Variants in AGBL1 observed in about 807,000 individuals in gnomAD.
AGBL1 encodes cytosolic carboxypeptidase 4.
AGBL1 carries 130 observed loss-of-function variants against 118.9 expected under a neutral mutation model. The observed-to-expected ratio is 1.09, with a 90% CI of 0.95 to 1.26. The LOEUF is 1.26. Among genes scored for constraint, AGBL1 ranks in the 50% most tolerant of loss-of-function variants. The pLI is 0.00. For missense variants in AGBL1, 1,584 were observed against 1,298.1 expected (o/e 1.22, Z -3.38); for synonymous variants, 555 against 478.9 (o/e 1.16, Z -2.08).
At chr15:86,416,997 A>G (rs2081704936) in intron 18 of AGBL1, among the ~76,000 whole-genome samples, 1 of 152,212 alleles carries the variant, frequency 6.6e-6, no homozygotes, top group Non-Finnish European at 1.5e-5. Flanking sequence ...TGAGCTCTAC[A>G]TGAATATATT....
chr15:86,941,374 TAG>T (rs2080749616), intron 23 of AGBL1, among the ~76,000 whole-genome samples: 1 of 152,152 alleles, frequency 6.6e-6, no homozygotes, highest in Admixed American at 6.6e-5. Context: ...AATATTCTAA[TAG>T]GGAATTGGAG....
At chr15:86,297,774 A>G (rs2079669600) in intron 17 of AGBL1, among the ~76,000 whole-genome samples, 1 of 152,190 alleles carries the variant, frequency 6.6e-6, no homozygotes, top group African/African-American at 2.4e-5. Flanking sequence ...AAGGTTAAAT[A>G]CTATGATCAG....
chr15:86,302,836 T>G (rs916240423), intron 17 of AGBL1, among the ~76,000 whole-genome samples: 7 of 150,932 alleles, frequency 4.6e-5, no homozygotes, highest in Non-Finnish European at 8.9e-5. Context: ...ACTACAGAAT[T>G]GTGGAATGAG....
intron 22 of AGBL1, among the ~76,000 whole-genome samples, chr15:86,735,655 G>GATATATAT (rs61663652): frequency 6.8e-5 from 10 of 146,834 alleles, no homozygotes; most frequent in African/African-American, 2.6e-4. Context: ...TACAAAGAGA[G>GATATATAT]ATATATATAT....
chr15:86,560,954 G>A (rs1371410636), intron 21 of AGBL1, among the ~76,000 whole-genome samples: 1 of 152,176 alleles, frequency 6.6e-6, no homozygotes, highest in Non-Finnish European at 1.5e-5. Flanking sequence ...AGAAGTGTCT[G>A]TTCATATCAT....
At chr15:86,485,723 C>T (rs2082703946) in intron 18 of AGBL1, among the ~76,000 whole-genome samples, 1 of 152,034 alleles carries the variant, frequency 6.6e-6, no homozygotes, top group Admixed American at 6.6e-5. Context: ...GCCTGTGGAC[C>T]GTAGTTTGCA....
intron 6 of AGBL1, among the ~76,000 whole-genome samples, chr15:86,236,237 C>T (rs958840050): frequency 9.4e-4 from 143 of 152,280 alleles, no homozygotes; most frequent in African/African-American, 3.3e-3. Context: ...TTCCACCAGT[C>T]CCAGGGGCAC....
intron 22 of AGBL1, among the ~76,000 whole-genome samples, chr15:86,768,317 T>C (rs1481794296): frequency 6.6e-6 from 1 of 151,974 alleles, no homozygotes; most frequent in Non-Finnish European, 1.5e-5. Flanking sequence ...TATAACGTAA[T>C]GTAACGTAAC....
chr15:86,659,072 C>T (rs1180626017), intron 21 of AGBL1, among the ~76,000 whole-genome samples: 1 of 152,142 alleles, frequency 6.6e-6, no homozygotes, highest in East Asian at 1.9e-4. Context: ...AAGTTCCTGT[C>T]TCATTTATTT....
In AGBL1 at chr15:86,193,238, C is replaced by T. The variant is rs1202612881; in HGVS notation, c.489-31676C>T. Among the ~76,000 whole-genome samples, 5 of 151,974 alleles carry T rather than the reference C, an allele frequency of 3.3e-5. No homozygotes were observed. The South Asian group carries it at 8.3e-4, about 25-fold the overall frequency. On this transcript the variant is annotated intron_variant, in intron 5 of 22. Transcript: ENST00000614907. ...TGCCCCTTATTTTTGCCCAGCTTCC[C>T]CAAAGCATTATTTTTTCCAAGAAAC...
chr15:86,722,195 C>T (rs1383263974), intron 22 of AGBL1, among the ~76,000 whole-genome samples: 2 of 152,196 alleles, frequency 1.3e-5, no homozygotes, highest in Non-Finnish European at 2.9e-5. Flanking sequence ...GCCCGCATTG[C>T]CAAGTCAATC....
intron 18 of AGBL1, among the ~76,000 whole-genome samples, chr15:86,482,023 G>A (rs2142125062): frequency 6.6e-6 from 1 of 152,256 alleles, no homozygotes; most frequent in Admixed American, 6.5e-5. Context: ...CCAGTAGTCT[G>A]CTGTGTTGTT....
intron 4 of AGBL1, among the ~76,000 whole-genome samples, chr15:86,154,807 C>T (rs1213059212): frequency 6.6e-6 from 1 of 152,096 alleles, no homozygotes; most frequent in East Asian, 1.9e-4. Flanking sequence ...TATTGTTTCT[C>T]CTTGGCAGTT....
At chr15:86,887,279 C>A (rs936302739) in intron 22 of AGBL1, among the ~76,000 whole-genome samples, 5 of 152,134 alleles carry the variant, frequency 3.3e-5, no homozygotes, top group Admixed American at 1.3e-4. Flanking sequence ...ACCTATCTAT[C>A]ATTTATCTAT....
chr15:86,930,561 G>C (rs1480640597), intron 23 of AGBL1, among the ~76,000 whole-genome samples: 1 of 151,970 alleles, frequency 6.6e-6, no homozygotes, highest in African/African-American at 2.4e-5. Flanking sequence ...ATTTTCTCTG[G>C]TTGTAGATAG....
chr15:86,604,010 G>C, intron 21 of AGBL1, among the ~76,000 whole-genome samples: 1 of 152,088 alleles, frequency 6.6e-6, no homozygotes, highest in Middle Eastern at 3.2e-3. Flanking sequence ...TCTGCTTTAA[G>C]ATTCACACAA....
intron 17 of AGBL1, among the ~76,000 whole-genome samples, chr15:86,365,255 T>C (rs986000983): frequency 1.3e-5 from 2 of 152,124 alleles, no homozygotes; most frequent in African/African-American, 4.8e-5. Context: ...TTTGATCTCC[T>C]ACATTAGTCA....
At chr15:86,419,080 A>G (rs1419918277) in intron 18 of AGBL1, among the ~76,000 whole-genome samples, 1 of 152,088 alleles carries the variant, frequency 6.6e-6, no homozygotes, top group East Asian at 1.9e-4. Context: ...AAGATACATG[A>G]CTAAGATATG....
At chr15:86,311,275 C>T (rs1457453655) in intron 17 of AGBL1, among the ~76,000 whole-genome samples, 1 of 152,106 alleles carries the variant, frequency 6.6e-6, no homozygotes, top group Non-Finnish European at 1.5e-5. Context: ...AATAGTTAGT[C>T]TATTATTCTG....
Sources: allele counts gnomAD v4.1 joint callset (sites outside exome capture counted in the v4.1 genomes callset), GRCh38; gene constraint gnomAD v4.1.1; transcripts MANE v1.5; gene names NCBI Gene and HGNC (gene_info 2026-07-23, HGNC 2026-07-21).